Variants in PTPRG observed in about 807,000 individuals in gnomAD.
The protein encoded by PTPRG is receptor-type tyrosine-protein phosphatase gamma.
PTPRG carries 102 observed loss-of-function variants against 165.3 expected under a neutral mutation model. The ratio of observed to expected loss-of-function variants is 0.62; its 90% CI spans 0.53 to 0.73. The LOEUF (loss-of-function observed/expected upper bound fraction) is 0.73. Among genes scored for constraint, PTPRG ranks in the 30% least tolerant of loss-of-function variants. The pLI is 0.00. For synonymous variants in PTPRG, 675 were observed against 669.5 expected, an observed-to-expected ratio of 1.01 and a Z score of -0.13; for missense variants, 1,866 against 1,861.4, an observed-to-expected ratio of 1.00 and a Z score of -0.05.
At chr3:61,749,229 A>T (rs1449369235) in intron 2 of PTPRG, 1 of 587,758 alleles carries the variant, frequency 1.7e-6, no homozygotes, top group African/African-American at 1.9e-5. Context: ...CTTTACTGTT[A>T]ATGAGTTATT....
intron 4 of PTPRG, among the ~76,000 whole-genome samples, chr3:62,043,118 G>A (rs549499017): frequency 1.9e-3 from 288 of 152,234 alleles, no homozygotes; most frequent in African/African-American, 6.3e-3. Flanking sequence ...CAGACAGAAG[G>A]CATGAGAAAG....
chr3:61,879,394 A>G (rs1334230253), intron 2 of PTPRG, among the ~76,000 whole-genome samples: 1 of 151,824 alleles, frequency 6.6e-6, no homozygotes, highest in Non-Finnish European at 1.5e-5. Flanking sequence ...CTTTCTTTCT[A>G]CGGTTTTCTG....
intron 6 of PTPRG, among the ~76,000 whole-genome samples, chr3:62,146,828 C>T (rs771950667): frequency 6.6e-6 from 1 of 152,178 alleles, no homozygotes; most frequent in Non-Finnish European, 1.5e-5. Flanking sequence ...AACAGAACTT[C>T]ATTTACAAAA....
intron 2 of PTPRG, among the ~76,000 whole-genome samples, chr3:61,918,489 T>C (rs115686490): frequency 0.011 from 1,603 of 152,286 alleles, 33 homozygotes; most frequent in African/African-American, 0.035. Context: ...GAGATACTAA[T>C]TATTCTTTTG....
At chr3:61,989,315 G>T (rs530850799) in intron 2 of PTPRG, among the ~76,000 whole-genome samples, 3 of 152,146 alleles carry the variant, frequency 2.0e-5, no homozygotes, top group Admixed American at 1.3e-4. Flanking sequence ...GCTTATTTTA[G>T]GAAACATTTA....
chr3:62,123,343 T>G (rs1025717911), intron 5 of PTPRG, among the ~76,000 whole-genome samples: 3 of 152,194 alleles, frequency 2.0e-5, no homozygotes, highest in African/African-American at 7.2e-5. Context: ...ACTCCCAGGC[T>G]CCAGCTATCC....
intron 2 of PTPRG, among the ~76,000 whole-genome samples, chr3:61,964,713 T>C (rs1040116983): frequency 2.0e-5 from 3 of 152,154 alleles, no homozygotes; most frequent in African/African-American, 7.2e-5. Context: ...TTGTCCGTCC[T>C]TGTGTCGTGG....
In PTPRG at chr3:61,816,385, T is replaced by C. The variant is rs142525662; in HGVS notation, c.190+67403T>C. 1.2e-3 allele frequency among the ~76,000 whole-genome samples: 175 copies of C among 152,030 alleles called. 1 individual carries two copies. Among genetic ancestry groups the C allele is most frequent in the African/African-American group, 4.0e-3 (164 of 41,468 alleles). Reference sequence around the variant, plus strand: ...TCTCTGCTAAAAATACAAAAAAAATTGCTGGGCATGGTGGTGGGGGCCCGT... The same window carrying C: ...TCTCTGCTAAAAATACAAAAAAAATCGCTGGGCATGGTGGTGGGGGCCCGT... On this transcript the variant is annotated intron_variant, in intron 2 of 29. Coordinates refer to ENST00000474889, the MANE Select transcript of PTPRG (RefSeq NM_002841.4).
chr3:61,905,298 A>G (rs973834745), intron 2 of PTPRG, among the ~76,000 whole-genome samples: 1 of 151,804 alleles, frequency 6.6e-6, no homozygotes, highest in Non-Finnish European at 1.5e-5. Context: ...TGAGCTCACA[A>G]CCCCCAAGAT....
chr3:62,200,373 C>T (rs769823550), intron 10 of PTPRG, among the ~76,000 whole-genome samples: 11 of 152,116 alleles, frequency 7.2e-5, no homozygotes, highest in Non-Finnish European at 8.8e-5. Flanking sequence ...CGGATTCAAG[C>T]GATTCTCCTG....
chr3:61,975,354 A>G (rs1339256649), intron 2 of PTPRG, among the ~76,000 whole-genome samples: 3 of 152,186 alleles, frequency 2.0e-5, no homozygotes, highest in African/African-American at 7.2e-5. Context: ...CTTAGCACAA[A>G]TGTCTGGTAA....
chr3:61,794,326 C>G (rs912326802), intron 2 of PTPRG, among the ~76,000 whole-genome samples: 1 of 152,110 alleles, frequency 6.6e-6, no homozygotes, highest in Non-Finnish European at 1.5e-5. Flanking sequence ...CTATTGCCAT[C>G]TGTTCATTTA....
chr3:62,161,220 CGTT>C (rs1378845622), intron 7 of PTPRG, among the ~76,000 whole-genome samples: 1 of 151,950 alleles, frequency 6.6e-6, no homozygotes, highest in Admixed American at 6.6e-5. Context: ...AGATATTAGG[CGTT>C]GTTGTTGTTG....
chr3:61,716,576 T>G (rs2031817819), intron 1 of PTPRG, among the ~76,000 whole-genome samples: 1 of 152,226 alleles, frequency 6.6e-6, no homozygotes, highest in African/African-American at 2.4e-5. Flanking sequence ...TCATTATCTT[T>G]TCTTATTGTT....
chr3:61,821,031 C>G (rs1188837704), intron 2 of PTPRG, among the ~76,000 whole-genome samples: 2 of 152,102 alleles, frequency 1.3e-5, no homozygotes, highest in Non-Finnish European at 2.9e-5. Context: ...CTACATTTTG[C>G]AGTATTCTCC....
At chr3:61,624,322 ACCCAACTAAAAAACTACATTT>A (rs1189583780) in intron 1 of PTPRG, among the ~76,000 whole-genome samples, 1 of 152,110 alleles carries the variant, frequency 6.6e-6, no homozygotes, top group African/African-American at 2.4e-5. Context: ...ATGGCAATGA[ACCCAACTAAAAAACTACATTT>A]CCCAACTTCC....
At chr3:62,265,331 C>G (rs1442562588) in intron 17 of PTPRG, among the ~76,000 whole-genome samples, 2 of 152,166 alleles carry the variant, frequency 1.3e-5, no homozygotes, top group African/African-American at 2.4e-5. Flanking sequence ...AATTGTACTA[C>G]TGTACTGCTT....
chr3:62,200,524 C>T (rs1049137395), intron 10 of PTPRG, among the ~76,000 whole-genome samples: 7 of 152,104 alleles, frequency 4.6e-5, no homozygotes, highest in Non-Finnish European at 7.3e-5. Context: ...CTGCCTCAGC[C>T]TCCCAAAGTG....
At chr3:62,260,222 C>G (rs377707548) in intron 16 of PTPRG, among the ~76,000 whole-genome samples, 1 of 152,296 alleles carries the variant, frequency 6.6e-6, no homozygotes, top group East Asian at 1.9e-4. Flanking sequence ...AAGAATGTTA[C>G]CCCTACTTGG....
Sources: allele counts gnomAD v4.1 joint callset (sites outside exome capture counted in the v4.1 genomes callset), GRCh38; gene constraint gnomAD v4.1.1; transcripts MANE v1.5; gene names NCBI Gene and HGNC (gene_info 2026-07-23, HGNC 2026-07-21).